The following NRXN3 variants were observed in gnomAD, a reference collection of about 807,000 sequenced individuals.
NRXN3 encodes the protein neurexin 3.
NRXN3 carries 32 observed loss-of-function variants against 137.6 expected under a neutral mutation model. The observed-to-expected ratio is 0.23, with a 90% CI of 0.18 to 0.31. The LOEUF (loss-of-function observed/expected upper bound fraction) is 0.31, where lower values mean the gene tolerates loss of function less well. Ranked by LOEUF, NRXN3 falls within the 10% of genes least tolerant of loss-of-function variation. The pLI is 1.00. For synonymous variants in NRXN3, 798 were observed against 784.5 expected, an observed-to-expected ratio of 1.02 and a Z score of -0.29; for missense variants, 1,574 against 2,062.5, an observed-to-expected ratio of 0.76 and a Z score of 4.59.
chr14:79,401,689 T>C (rs1178519441), intron 15 of NRXN3, among the ~76,000 whole-genome samples: 2 of 152,160 alleles, frequency 1.3e-5, no homozygotes, highest in Admixed American at 1.3e-4. Flanking sequence ...TTCAGCTTTA[T>C]CCAGAGATGT....
intron 10 of NRXN3, among the ~76,000 whole-genome samples, chr14:78,955,393 A>G (rs1223282178): frequency 1.3e-5 from 2 of 152,220 alleles, no homozygotes; most frequent in African/African-American, 4.8e-5. Context: ...GTATCTAATC[A>G]GTTGAAAATA....
intron 4 of NRXN3, among the ~76,000 whole-genome samples, chr14:78,451,715 C>T (rs1162181332): frequency 3.9e-5 from 6 of 152,188 alleles, no homozygotes; most frequent in Non-Finnish European, 5.9e-5. Flanking sequence ...AAGAGTCCTG[C>T]GTAGGCACGT....
chr14:79,317,643 C>T lies in NRXN3; in HGVS notation c.3263-149578C>T, dbSNP rs74515842. On this transcript the variant is annotated intron_variant, in intron 15 of 20. Transcript: ENST00000335750. ...GACAGGAAGGAAAAGCCCCGGCAAC[C>T]GAATTGTATTGTTCTGCTAGATGAT... Among the ~76,000 whole-genome samples, 82 of 152,084 alleles carry T rather than the reference C, an allele frequency of 5.4e-4. 2 individuals carry two copies. In the East Asian group the frequency reaches 0.015, roughly 28 times the overall value.
At chr14:78,217,285 A>C (rs2063389576) in intron 1 of NRXN3, among the ~76,000 whole-genome samples, 1 of 152,206 alleles carries the variant, frequency 6.6e-6, no homozygotes, top group South Asian at 2.1e-4. Flanking sequence ...ATTTTTTAAG[A>C]ACAAAAATAT....
chr14:78,734,246 CA>C (rs1567176447), intron 8 of NRXN3, among the ~76,000 whole-genome samples: 418 of 149,394 alleles, frequency 2.8e-3, no homozygotes, highest in Middle Eastern at 6.8e-3. Context: ...CACACACACA[CA>C]CACACACCCT....
intron 10 of NRXN3, among the ~76,000 whole-genome samples, chr14:78,926,005 CA>C (rs2099288764): frequency 6.6e-6 from 1 of 152,154 alleles, no homozygotes; most frequent in African/African-American, 2.4e-5. Flanking sequence ...ATAATTATTA[CA>C]GTTGTTATAA....
At chr14:78,789,676 A>G (rs1455480442) in intron 8 of NRXN3, among the ~76,000 whole-genome samples, 1 of 152,212 alleles carries the variant, frequency 6.6e-6, no homozygotes, top group Admixed American at 6.6e-5. Flanking sequence ...CCTAATAACT[A>G]TCATTCACCA....
chr14:78,885,398 G>C (rs1330823344), intron 10 of NRXN3, among the ~76,000 whole-genome samples: 1 of 151,840 alleles, frequency 6.6e-6, no homozygotes, highest in Non-Finnish European at 1.5e-5. Context: ...AAAAGCCTTA[G>C]ATTAAAATCT....
chr14:78,347,155 C>A (rs192971922), intron 4 of NRXN3, among the ~76,000 whole-genome samples: 1 of 152,188 alleles, frequency 6.6e-6, no homozygotes, highest in Non-Finnish European at 1.5e-5. Flanking sequence ...GCGACAAATG[C>A]GGATGCTGGG....
At chr14:78,375,128 C>T (rs1444010067) in intron 4 of NRXN3, among the ~76,000 whole-genome samples, 2 of 152,186 alleles carry the variant, frequency 1.3e-5, no homozygotes, top group Admixed American at 6.5e-5. Context: ...TTTTGATAGA[C>T]TTACTTTTCC....
intron 2 of NRXN3, among the ~76,000 whole-genome samples, chr14:78,270,698 G>T (rs919743673): frequency 6.6e-6 from 1 of 152,196 alleles, no homozygotes; most frequent in East Asian, 1.9e-4. Context: ...TGTTTACTAT[G>T]TGCCTGGCAT....
rs568562625 is a variant in NRXN3, at chr14:79,665,850, G to T, written c.3616+1901G>T. Among the ~76,000 whole-genome samples the T allele has an allele frequency of 2.6e-5, 4 of 152,204 alleles. No individual in the cohort carries two copies. In the South Asian group the frequency reaches 8.3e-4, roughly 32 times the overall value. ...TTGCTTCCTATATGTTTTCAAAACA[G>T]ATTAAGCCTTTCTTTAATAGCATTG... On this transcript the variant is annotated intron_variant, in intron 17 of 20. Transcript: ENST00000335750.
intron 16 of NRXN3, among the ~76,000 whole-genome samples, chr14:79,532,598 C>A (rs2097179501): frequency 1.3e-5 from 2 of 152,090 alleles, no homozygotes; most frequent in South Asian, 4.2e-4. Context: ...GTGGACCATG[C>A]AAATAATATC....
intron 20 of NRXN3, chr14:79,854,035 T>C (rs141338625): frequency 1.0e-6 from 1 of 984,766 alleles, no homozygotes; most frequent in Non-Finnish European, 1.2e-6. Context: ...CCCTGTATCA[T>C]CCTCTGTTGT....
chr14:79,837,610 A>G (rs915810425), intron 20 of NRXN3, among the ~76,000 whole-genome samples: 1 of 152,192 alleles, frequency 6.6e-6, no homozygotes, highest in African/African-American at 2.4e-5. Context: ...GGCCACAAAT[A>G]GTGAACGCCA....
At chr14:79,014,552 CTGCAAT>C (rs1477331577) in intron 15 of NRXN3, among the ~76,000 whole-genome samples, 1 of 152,098 alleles carries the variant, frequency 6.6e-6, no homozygotes, top group African/African-American at 2.4e-5. Context: ...GTGAATAGTG[CTGCAAT>C]GAATGTATGT....
At chr14:79,155,304 A>T (rs536314712) in intron 15 of NRXN3, among the ~76,000 whole-genome samples, 1 of 152,042 alleles carries the variant, frequency 6.6e-6, no homozygotes, top group Admixed American at 6.6e-5. Flanking sequence ...GTAACATATT[A>T]AACAAAATGA....
Position 79,253,117 on chromosome 14 carries a change from T to A in NRXN3, c.3263-214104T>A, listed in dbSNP as rs561308302. Reference sequence around the variant, plus strand: ...GGTGGTTCCAGGTCAAGTTTGAAACTGGTTCTGAACATTCCTAGATCTGTT... The same window carrying A: ...GGTGGTTCCAGGTCAAGTTTGAAACAGGTTCTGAACATTCCTAGATCTGTT... On this transcript the variant is annotated intron_variant, in intron 15 of 20. Coordinates refer to ENST00000335750, the MANE Select transcript of NRXN3 (RefSeq NM_001330195.2). Among the ~76,000 whole-genome samples the A allele has an allele frequency of 3.9e-5, 6 of 152,312 alleles. No individual in the cohort carries two copies. The East Asian group carries it at 9.7e-4, about 25-fold the overall frequency.
intron 4 of NRXN3, among the ~76,000 whole-genome samples, chr14:78,602,267 C>CTTT (rs370669288): frequency 0.11 from 12,640 of 115,004 alleles, 864 homozygotes; most frequent in Middle Eastern, 0.18. Flanking sequence ...TCACATTAGC[C>CTTT]TTTTTTTTTT....
Sources: allele counts gnomAD v4.1 joint callset (sites outside exome capture counted in the v4.1 genomes callset), GRCh38; gene constraint gnomAD v4.1.1; transcripts MANE v1.5; gene names NCBI Gene and HGNC (gene_info 2026-07-23, HGNC 2026-07-21).